Variants in CSGALNACT1 observed in about 807,000 individuals in gnomAD.
CSGALNACT1 encodes the protein chondroitin sulfate N-acetylgalactosaminyltransferase 1.
Under a neutral mutation model 51.0 loss-of-function variants are expected in CSGALNACT1, and 52 were observed. That is an observed-to-expected ratio of 1.02 (90% CI 0.82 to 1.29). The LOEUF (loss-of-function observed/expected upper bound fraction) is 1.29. Among genes scored for constraint, CSGALNACT1 ranks in the 50% most tolerant of loss-of-function variants. The pLI, the probability that CSGALNACT1 is intolerant of heterozygous loss-of-function variation, is 0.00. For synonymous variants in CSGALNACT1, 341 were observed against 254.4 expected (o/e 1.34, Z -3.24); for missense variants, 935 against 679.2 (o/e 1.38, Z -4.19).
chr8:19,621,086 T>C (rs1000789192), intron 1 of CSGALNACT1, among the ~76,000 whole-genome samples: 1 of 152,174 alleles, frequency 6.6e-6, no homozygotes, highest in African/African-American at 2.4e-5. Flanking sequence ...AGGAAAACCA[T>C]AATAAAGAAA....
chr8:19,559,874 G>A (rs951615474), intron 3 of CSGALNACT1, among the ~76,000 whole-genome samples: 2 of 152,310 alleles, frequency 1.3e-5, no homozygotes, highest in Admixed American at 6.5e-5. Flanking sequence ...CTTTATGTGA[G>A]GTGGTGTGGA....
At chr8:19,708,252 A>C (rs1222581023) in intron 1 of CSGALNACT1, among the ~76,000 whole-genome samples, 2 of 152,218 alleles carry the variant, frequency 1.3e-5, no homozygotes, top group African/African-American at 4.8e-5. Flanking sequence ...TGTGCACAGC[A>C]CGTAGGTCTG....
At chr8:19,458,611 T>A in exon 5 of CSGALNACT1, 7 of 1,614,002 alleles carry the variant, frequency 4.3e-6, no homozygotes, top group Non-Finnish European at 5.9e-6. Context: ...GCTCATACAA[T>A]GTCCCTTTGT....
intron 1 of CSGALNACT1, among the ~76,000 whole-genome samples, chr8:19,725,293 C>T (rs17091113): frequency 0.39 from 58,915 of 152,076 alleles, 11,808 homozygotes; most frequent in East Asian, 0.63. Flanking sequence ...TAAGAATCTG[C>T]GTCCTGGCTG....
intron 1 of CSGALNACT1, among the ~76,000 whole-genome samples, chr8:19,664,718 A>G (rs2059046469): frequency 6.6e-6 from 1 of 152,156 alleles, no homozygotes; most frequent in Non-Finnish European, 1.5e-5. Context: ...ACAAAAAAAG[A>G]ATGAAATAAT....
At chr8:19,515,908 G>A (rs902075860) in intron 3 of CSGALNACT1, among the ~76,000 whole-genome samples, 38 of 152,084 alleles carry the variant, frequency 2.5e-4, no homozygotes, top group African/African-American at 8.7e-4. Flanking sequence ...ATGAGGGCAG[G>A]ACACTGGCAT....
chr8:19,404,779 G>C (rs1345193484), exon 10 of CSGALNACT1: 2 of 454,478 alleles, frequency 4.4e-6, no homozygotes, highest in East Asian at 1.4e-4. Context: ...CTGACTTTTA[G>C]GTACATCACG....
rs528547384 is a variant in CSGALNACT1, at chr8:19,464,218, G to A, written c.635-5576C>T. ...TGCCTTCCCTACCTTCCTACATGGAGCCAAGGTCTCCCAGCTGGATAACAA... is the reference window on the plus strand; with the variant it reads ...TGCCTTCCCTACCTTCCTACATGGAACCAAGGTCTCCCAGCTGGATAACAA... On this transcript the variant is annotated intron_variant, in intron 4 of 9. Transcript: ENST00000454498. Among the ~76,000 whole-genome samples the A allele has an allele frequency of 2.0e-4, 30 of 152,218 alleles. No individual in the cohort carries two copies. The South Asian group carries it at 4.6e-3, about 23-fold the overall frequency.
chr8:19,611,911 C>T (rs1480017177), intron 1 of CSGALNACT1, among the ~76,000 whole-genome samples: 1 of 151,892 alleles, frequency 6.6e-6, no homozygotes, highest in Non-Finnish European at 1.5e-5. Flanking sequence ...CAAGCCATGT[C>T]TCCTGCTTGG....
At chr8:19,429,841 A>G (rs1392587727) in intron 6 of CSGALNACT1, among the ~76,000 whole-genome samples, 1 of 152,246 alleles carries the variant, frequency 6.6e-6, no homozygotes, top group Non-Finnish European at 1.5e-5. Context: ...TTCATTCCCA[A>G]GAGCAATAGA....
At chr8:19,640,141 T>A (rs528561635) in intron 1 of CSGALNACT1, among the ~76,000 whole-genome samples, 4 of 152,282 alleles carry the variant, frequency 2.6e-5, no homozygotes, top group Non-Finnish European at 5.9e-5. Context: ...GTATTTTATT[T>A]CCCTCAATGA....
chr8:19,412,886 T>C (rs1169707616), intron 8 of CSGALNACT1, among the ~76,000 whole-genome samples: 1 of 152,116 alleles, frequency 6.6e-6, no homozygotes, highest in Non-Finnish European at 1.5e-5. Flanking sequence ...GTGATCATGC[T>C]GCACAGGGTG....
chr8:19,742,316 T>C (rs2064366051), intron 1 of CSGALNACT1, among the ~76,000 whole-genome samples: 1 of 152,220 alleles, frequency 6.6e-6, no homozygotes, highest in Non-Finnish European at 1.5e-5. Flanking sequence ...CAAACCACAG[T>C]GCCGTATAAA....
chr8:19,675,993 C>T (rs2060148690), intron 1 of CSGALNACT1, among the ~76,000 whole-genome samples: 1 of 150,916 alleles, frequency 6.6e-6, no homozygotes. Context: ...CTTTAAAAAT[C>T]TCAACTCACA....
intron 6 of CSGALNACT1, among the ~76,000 whole-genome samples, chr8:19,430,410 A>C (rs557898603): frequency 6.6e-6 from 1 of 152,334 alleles, no homozygotes; most frequent in Admixed American, 6.5e-5. Flanking sequence ...TACAGAAAAC[A>C]ACTTTCGTTC....
At chr8:19,478,032 G>A (rs908585053) in intron 4 of CSGALNACT1, among the ~76,000 whole-genome samples, 4 of 152,140 alleles carry the variant, frequency 2.6e-5, no homozygotes, top group Admixed American at 6.5e-5. Flanking sequence ...TAGATGTCAG[G>A]TGATTCTAGC....
chr8:19,647,321 G>A (rs181184404), intron 1 of CSGALNACT1, among the ~76,000 whole-genome samples: 14 of 152,290 alleles, frequency 9.2e-5, no homozygotes, highest in Admixed American at 5.9e-4. Flanking sequence ...AGAGGTCAAA[G>A]CAAGAAGATC....
At chr8:19,680,593 A>G (rs75289914) in intron 1 of CSGALNACT1, among the ~76,000 whole-genome samples, 1 of 128,738 alleles carries the variant, frequency 7.8e-6, no homozygotes, top group Non-Finnish European at 1.6e-5. Flanking sequence ...AAAAAAGAGA[A>G]TAGTGCAAAT....
intron 4 of CSGALNACT1, among the ~76,000 whole-genome samples, chr8:19,464,373 C>CCCATACCACAGAATAAAGTAT (rs2066205809): frequency 6.6e-6 from 1 of 152,170 alleles, no homozygotes; most frequent in Non-Finnish European, 1.5e-5. Context: ...TCGCCAGCAT[C>CCCATACCACAGAATAAAGTAT]CCATACCACA....
Sources: allele counts gnomAD v4.1 joint callset (sites outside exome capture counted in the v4.1 genomes callset), GRCh38; gene constraint gnomAD v4.1.1; transcripts MANE v1.5; gene names NCBI Gene and HGNC (gene_info 2026-07-23, HGNC 2026-07-21).